The following DMGDH variants were observed in gnomAD, a reference collection of about 807,000 sequenced individuals.
DMGDH encodes the protein dimethylglycine dehydrogenase, mitochondrial.
DMGDH carries 76 observed loss-of-function variants against 95.2 expected under a neutral mutation model. The ratio of observed to expected loss-of-function variants is 0.80; its 90% confidence interval spans 0.66 to 0.97. The LOEUF is 0.97. Ranked by LOEUF, DMGDH falls within the 50% of genes least tolerant of loss-of-function variation. The probability of loss-of-function intolerance (pLI) is 0.00; values close to 1 mark genes in which losing one functional copy is unlikely to be tolerated. For synonymous variants in DMGDH, 345 were observed against 377.6 expected (o/e 0.91, Z 1.00); for missense variants, 987 against 1,055.0 (o/e 0.94, Z 0.89).
chr5:79,050,990 A>C (rs1754836653), intron 5 of DMGDH, among the ~76,000 whole-genome samples: 1 of 152,254 alleles, frequency 6.6e-6, no homozygotes, highest in Non-Finnish European at 1.5e-5. Flanking sequence ...ATAGAGAAAC[A>C]GTGAATACAG....
rs1755015080 is a variant in DMGDH, at chr5:79,055,843, T to C, written c.342A>G (p.Lys114=). 6.2e-7 allele frequency: 1 copy of C among 1,612,142 alleles called. No individual in the cohort carries two copies. Among genetic ancestry groups the C allele is most frequent in the East Asian group, 2.2e-5 (1 of 44,856 alleles). Residue 114 remains lysine, a synonymous_variant, in exon 3 of 16, where the codon AAA becomes AAG. Coordinates refer to ENST00000255189, the MANE Select transcript of DMGDH (RefSeq NM_013391.3). ...TTTCTTCTTCCAGTTTCTCATAAAG[T>C]TTGATGCTATCATAATGTATTTTCT... The part of the protein sequence containing the change: ...NLKKIHYDSI[K]LYEKLEEETG...
chr5:79,059,845 T>G (rs1329068651), intron 2 of DMGDH, among the ~76,000 whole-genome samples: 1 of 152,242 alleles, frequency 6.6e-6, no homozygotes, highest in African/African-American at 2.4e-5. Flanking sequence ...CATTCACAAC[T>G]TTTTAGCTAC....
intron 3 of DMGDH, 93 bp downstream of exon 3, chr5:79,055,717 G>C: frequency 1.2e-6 from 1 of 823,222 alleles, no homozygotes; most frequent in South Asian, 1.4e-5. Flanking sequence ...CACTCCACAC[G>C]GTCATACACA....
At chr5:79,035,056 C>CAAAA (rs10586049) in intron 7 of DMGDH, among the ~76,000 whole-genome samples, 4 of 78,336 alleles carry the variant, frequency 5.1e-5, no homozygotes, top group African/African-American at 1.5e-4. Context: ...GACTCCATCT[C>CAAAA]AAAAAAAAAA....
intron 2 of DMGDH, 24 bp from the exon 3 acceptor site, chr5:79,055,932 A>G: frequency 1.4e-6 from 2 of 1,443,004 alleles, no homozygotes; most frequent in Non-Finnish European, 1.9e-6. Flanking sequence ...AGGAAAAGAA[A>G]TACTGAAAAA....
Position 79,024,334 on chromosome 5 carries a change from A to G in DMGDH, c.2191-4T>C. ...AAGGATTTGTATCACAGTTCATCTAAAAAGGAAACACACATTTTAAATCTT... is the reference window on the plus strand; with the variant it reads ...AAGGATTTGTATCACAGTTCATCTAGAAAGGAAACACACATTTTAAATCTT... On this transcript the variant is annotated splice_polypyrimidine_tract_variant and splice_region_variant and intron_variant, in intron 13 of 15. Transcript: ENST00000255189. 1.2e-6 allele frequency: 2 copies of G among 1,613,202 alleles called. No individual in the cohort carries two copies. Among genetic ancestry groups the G allele is most frequent in the Non-Finnish European group, 1.7e-6 (2 of 1,179,296 alleles).
intron 4 of DMGDH, among the ~76,000 whole-genome samples, chr5:79,053,430 T>C (rs76508927): frequency 0.024 from 3,656 of 152,304 alleles, 146 homozygotes; most frequent in African/African-American, 0.084. Context: ...CCTTACCACA[T>C]GCTGGGATTA....
chr5:79,068,895 C>T (rs921582493), intron 1 of DMGDH, among the ~76,000 whole-genome samples: 5 of 152,214 alleles, frequency 3.3e-5, no homozygotes, highest in Non-Finnish European at 7.3e-5. Flanking sequence ...CATGCAAACT[C>T]TTGCCACCCA....
rs1753383680 is a variant in DMGDH, at chr5:78,997,628, T to G, written c.*454A>C. On this transcript the variant is annotated 3_prime_UTR_variant, in exon 16 of 16. Transcript: ENST00000255189. ...ATATCATGAAAAATTAAAACTTTCA[T>G]TTATTCATCTAAGGAAAGATTTCTC... 1 of 165,118 alleles carries G rather than the reference T, an allele frequency of 6.1e-6. No homozygotes were observed. Among genetic ancestry groups the G allele is most frequent in the African/African-American group, 2.4e-5 (1 of 41,510 alleles). 10.2% of individuals were successfully genotyped at this position (165,118 alleles called of 1,614,324 possible). A position where few individuals can be genotyped will look rare whatever the true frequency, so the allele number is the denominator to read the frequency against.
chr5:79,026,455 A>T lies in DMGDH; in HGVS notation c.2159T>A (p.Leu720Gln). The part of the protein sequence containing the change: ...FGTYAMNALR[L>Q]EKAFRAWGLE... ...CCCCCAGGCTCTGAAGGCTTTCTCCAGGCGTAAGGCATTCATGGCATAGGT... is the reference window on the plus strand; with the variant it reads ...CCCCCAGGCTCTGAAGGCTTTCTCCTGGCGTAAGGCATTCATGGCATAGGT... The change falls in exon 13 of 16, where the codon CTG becomes CAG. Residue 720 changes from leucine to glutamine, a missense_variant. Physicochemically the swap from Leu to Gln is moderately radical, Grantham distance 113. Coordinates refer to ENST00000255189, the MANE Select transcript of DMGDH (RefSeq NM_013391.3). 1 of 1,614,194 alleles carries T rather than the reference A, an allele frequency of 6.2e-7. No homozygotes were observed. The highest frequency in any genetic ancestry group is 8.5e-7 in the Non-Finnish European group (1 of 1,180,020).
At chr5:79,039,305 A>G (rs1754435095) in intron 7 of DMGDH, among the ~76,000 whole-genome samples, 1 of 152,110 alleles carries the variant, frequency 6.6e-6, no homozygotes, top group African/African-American at 2.4e-5. Flanking sequence ...CTTGGAACCA[A>G]CCCAAATGTG....
chr5:79,030,677 AAAG>A, intron 10 of DMGDH, 153 bp downstream of exon 10: 1 of 778,874 alleles, frequency 1.3e-6, no homozygotes, highest in Non-Finnish European at 2.0e-6. Context: ...GAAAAGAAAA[AAAG>A]AAAGTAAATA....
chr5:79,033,533 A>G, intron 7 of DMGDH, 125 bp from the exon 8 acceptor site: 3 of 1,165,648 alleles, frequency 2.6e-6, no homozygotes, highest in South Asian at 1.3e-5. Context: ...CACAAGTAAC[A>G]TAATCTCTAT....
intron 5 of DMGDH, among the ~76,000 whole-genome samples, chr5:79,049,833 A>C (rs1454823305): frequency 6.6e-6 from 1 of 152,234 alleles, no homozygotes; most frequent in Non-Finnish European, 1.5e-5. Context: ...TATATTAAAG[A>C]AAGCATGAGA....
chr5:79,058,861 A>G (rs1015680421), intron 2 of DMGDH, among the ~76,000 whole-genome samples: 2 of 152,214 alleles, frequency 1.3e-5, no homozygotes, highest in Admixed American at 1.3e-4. Flanking sequence ...TGGATAGCAT[A>G]ACGGATGCTA....
intron 12 of DMGDH, among the ~76,000 whole-genome samples, chr5:79,027,816 C>A (rs1754041779): frequency 6.6e-6 from 1 of 151,094 alleles, no homozygotes. Flanking sequence ...CCGACTATTT[C>A]AGCCAATCCT....
At chr5:79,059,654 A>G (rs1171846744) in intron 2 of DMGDH, among the ~76,000 whole-genome samples, 6 of 152,220 alleles carry the variant, frequency 3.9e-5, no homozygotes, top group Non-Finnish European at 7.3e-5. Context: ...CAGAAAACCT[A>G]ATAATAATAC....
chr5:79,011,858 T>A (rs556681093), intron 14 of DMGDH, among the ~76,000 whole-genome samples: 1 of 152,302 alleles, frequency 6.6e-6, no homozygotes, highest in South Asian at 2.1e-4. Context: ...TCTGCCCCCA[T>A]GATCCAATCA....
chr5:79,057,761 A>G (rs1755074088), intron 2 of DMGDH, among the ~76,000 whole-genome samples: 1 of 152,166 alleles, frequency 6.6e-6, no homozygotes, highest in African/African-American at 2.4e-5. Context: ...ATTTTGTCTT[A>G]AACATATCTC....
Sources: gnomAD v4.1 joint callset for allele counts (sites outside exome capture counted in the v4.1 genomes callset) on GRCh38, gnomAD v4.1.1 for gene constraint, MANE v1.5 for transcripts, NCBI Gene and HGNC (gene_info 2026-07-23, HGNC 2026-07-21) for gene names.